Variants in UGT1A9 observed in about 807,000 individuals in gnomAD.
The protein encoded by UGT1A9 is UDP glucuronosyltransferase family 1 member A9, also known as UDP-glucuronosyltransferase 1A9.
A neutral mutation model predicts 45.0 loss-of-function variants in UGT1A9; 35 were observed. The observed-to-expected ratio is 0.78, with a 90% CI of 0.59 to 1.03. UGT1A9 has a LOEUF of 1.03. Among genes scored for constraint, UGT1A9 ranks in the 50% least tolerant of loss-of-function variants. The pLI is 0.00. For synonymous variants in UGT1A9, 278 were observed against 250.6 expected (o/e 1.11, Z -1.03); for missense variants, 687 against 666.6 (o/e 1.03, Z -0.34).
intron 1 of UGT1A9, among the ~76,000 whole-genome samples, chr2:233,684,698 G>T (rs947223228): frequency 1.4e-4 from 21 of 151,966 alleles, no homozygotes; most frequent in African/African-American, 5.1e-4. Context: ...GATGTGGAAG[G>T]TTATGTATTA....
At chr2:233,690,906 T>C in intron 1 of UGT1A9, 3 of 1,026,092 alleles carry the variant, frequency 2.9e-6, no homozygotes, top group Non-Finnish European at 3.5e-6. Flanking sequence ...TGCATAGTGA[T>C]GTTAGTTTCA....
rs763737345 is a variant in UGT1A9 at position 233,682,117 on chromosome 2, A to G, written c.855+9328A>G. On this transcript the variant is annotated intron_variant, in intron 1 of 4. Coordinates refer to ENST00000354728, the MANE Select transcript of UGT1A9 (RefSeq NM_021027.3). ...GGCATGAGGTGGTCGTAGTCATGCC[A>G]GAGGTGAGTTGGCAACTGGGAAGAT... 4.3e-6 allele frequency: 7 copies of G among 1,614,090 alleles called. No individual in the cohort carries two copies. The African/African-American group carries it at 8.0e-5, about 18-fold the overall frequency.
chr2:233,749,284 A>G (rs1432188982), intron 1 of UGT1A9, among the ~76,000 whole-genome samples: 1 of 151,920 alleles, frequency 6.6e-6, no homozygotes, highest in East Asian at 1.9e-4. Flanking sequence ...TATGCAGTGT[A>G]GTTATTCAAT....
At chr2:233,701,960 C>G (rs542738545) in intron 1 of UGT1A9, among the ~76,000 whole-genome samples, 1 of 151,922 alleles carries the variant, frequency 6.6e-6, no homozygotes, top group Non-Finnish European at 1.5e-5. Flanking sequence ...CAAACACATT[C>G]AAAAGCTAGT....
At chr2:233,673,711 G>A (rs1199073256) in intron 1 of UGT1A9, among the ~76,000 whole-genome samples, 3 of 151,830 alleles carry the variant, frequency 2.0e-5, no homozygotes, top group Non-Finnish European at 4.4e-5. Flanking sequence ...GAAACTATTG[G>A]GTACAGGACA....
At chr2:233,735,564 G>A (rs550679567) in intron 1 of UGT1A9, among the ~76,000 whole-genome samples, 59 of 152,124 alleles carry the variant, frequency 3.9e-4, no homozygotes, top group African/African-American at 1.3e-3. Flanking sequence ...TGGTGTTATC[G>A]GGTTATTTTG....
At chr2:233,750,521 T>C (rs528794181) in intron 1 of UGT1A9, 1 of 151,984 alleles carries the variant, frequency 6.6e-6, no homozygotes, top group East Asian at 1.9e-4. Context: ...GCCAAGACAA[T>C]GGGGAAAATG....
chr2:233,726,121 A>G (rs2077505060), intron 1 of UGT1A9, among the ~76,000 whole-genome samples: 1 of 152,216 alleles, frequency 6.6e-6, no homozygotes, highest in South Asian at 2.1e-4. Context: ...TGCCATGTTC[A>G]CACCACCTCA....
chr2:233,679,660 G>A (rs1176827503), intron 1 of UGT1A9, among the ~76,000 whole-genome samples: 1 of 152,034 alleles, frequency 6.6e-6, no homozygotes, highest in Non-Finnish European at 1.5e-5. Flanking sequence ...TGGCATCTGG[G>A]AACTCATCTG....
chr2:233,681,945 G>T, intron 1 of UGT1A9: 1 of 1,613,336 alleles, frequency 6.2e-7, no homozygotes, highest in Non-Finnish European at 8.5e-7. Flanking sequence ...CTGATGGCTC[G>T]TGCAGGGTGG....
At chr2:233,703,821 T>A (rs553950100) in intron 1 of UGT1A9, among the ~76,000 whole-genome samples, 1 of 152,292 alleles carries the variant, frequency 6.6e-6, no homozygotes, top group African/African-American at 2.4e-5. Context: ...GTCTTTTAAT[T>A]GAGTTGTTTA....
chr2:233,720,263 C>A (rs982246715), intron 1 of UGT1A9, among the ~76,000 whole-genome samples: 3 of 152,084 alleles, frequency 2.0e-5, no homozygotes, highest in African/African-American at 7.2e-5. Flanking sequence ...AGAGAGGGAT[C>A]TGTCCTGAGA....
Position 233,671,941 on chromosome 2 carries a change from T to C in UGT1A9, c.7T>C (p.Cys3Arg), listed in dbSNP as rs146740151. 22 of 1,608,618 alleles carry C rather than the reference T, an allele frequency of 1.4e-5. No individual in the cohort carries two copies. Among genetic ancestry groups the C allele is most frequent in the Non-Finnish European group, 1.6e-5 (19 of 1,177,294 alleles). The change falls in exon 1 of 5, where the codon TGC becomes CGC. Residue 3 changes from cysteine to arginine, a missense_variant. Transcript: ENST00000354728. Reference sequence around the variant, plus strand: ...TCTCAGCTGCAGTTCTCTGATGGCTTGCACAGGGTGGACCAGCCCCCTTCC... The same window carrying C: ...TCTCAGCTGCAGTTCTCTGATGGCTCGCACAGGGTGGACCAGCCCCCTTCC... MA[C>R]TGWTSPLPLC...
At chr2:233,681,023 T>C (rs1387868807) in intron 1 of UGT1A9, among the ~76,000 whole-genome samples, 2 of 151,718 alleles carry the variant, frequency 1.3e-5, no homozygotes, top group African/African-American at 4.8e-5. Context: ...CTCAGAAGAT[T>C]TGGAAATGAA....
chr2:233,747,327 C>T (rs1052520696), intron 1 of UGT1A9: 43 of 1,603,124 alleles, frequency 2.7e-5, no homozygotes, highest in Non-Finnish European at 3.7e-5. Flanking sequence ...CCATTGATGG[C>T]AGCCACTGGC....
chr2:233,676,772 G>A (rs1321207441), intron 1 of UGT1A9, among the ~76,000 whole-genome samples: 2 of 152,138 alleles, frequency 1.3e-5, no homozygotes, highest in African/African-American at 2.4e-5. Context: ...CTTTTGGTAG[G>A]AAGACACAGA....
Position 233,672,003 on chromosome 2 carries a change from C to A in UGT1A9, c.69C>A (p.Ala23=), listed in dbSNP as rs138685396. ...CVCLLLTCGF[A]EAGKLLVVPM... ...GTCTGCTGCTGACCTGTGGCTTTGC[C>A]GAGGCAGGGAAGCTACTGGTAGTGC... Residue 23 remains alanine, a synonymous_variant, in exon 1 of 5, where the codon GCC becomes GCA. Transcript: ENST00000354728. 1 of 1,613,946 alleles carries A rather than the reference C, an allele frequency of 6.2e-7. No homozygotes were observed. The highest frequency in any genetic ancestry group is 8.5e-7 in the Non-Finnish European group (1 of 1,179,986).
In UGT1A9 at chr2:233,772,770, T is replaced by C. The variant is rs10929303; in HGVS notation, c.*211T>C. 0.78 allele frequency: 1,055,817 copies of C among 1,348,090 alleles called. 415,213 individuals are homozygous for C. Among genetic ancestry groups the C allele is most frequent in the East Asian group, 0.89 (34,131 of 38,366 alleles). The allele number at this position is 1,348,090 out of a possible 1,614,324, so 83.5% of individuals were successfully genotyped here. ...ATTTGAATATGTATCGTGCCCCCTC[T>C]GGTGTCTTTGATCAGGATGACATGT... On this transcript the variant is annotated 3_prime_UTR_variant, in exon 5 of 5. Transcript: ENST00000354728.
At position 233,729,401 on chromosome 2, in the gene UGT1A9, A is replaced by T. The variant is rs1464724125; in HGVS notation, c.856-37633A>T. Reference sequence around the variant, plus strand: ...TGGACCCAGGATGAATTTGATCGCCATGTGCTGGGCCACACTCAACTGTAC... The same window carrying T: ...TGGACCCAGGATGAATTTGATCGCCTTGTGCTGGGCCACACTCAACTGTAC... On this transcript the variant is annotated intron_variant, in intron 1 of 4. Coordinates refer to ENST00000354728, the MANE Select transcript of UGT1A9 (RefSeq NM_021027.3). 4.3e-6 allele frequency: 7 copies of T among 1,613,850 alleles called. No individual in the cohort carries two copies. Among genetic ancestry groups the T allele is most frequent in the East Asian group, 2.2e-5 (1 of 44,882 alleles).
Sources: allele counts gnomAD v4.1 joint callset (sites outside exome capture counted in the v4.1 genomes callset), GRCh38; gene constraint gnomAD v4.1.1; transcripts MANE v1.5; gene names NCBI Gene and HGNC (gene_info 2026-07-23, HGNC 2026-07-21).